The following NOS1AP variants were observed in gnomAD, a reference collection of about 807,000 sequenced individuals.
The protein encoded by NOS1AP is nitric oxide synthase 1 adaptor protein.
Under a neutral mutation model 56.2 loss-of-function variants are expected in NOS1AP, and 21 were observed. The observed-to-expected ratio is 0.37, with a 90% confidence interval of 0.26 to 0.54. NOS1AP has a LOEUF of 0.54. NOS1AP is among the 20% of genes least tolerant of loss of function. The pLI is 0.84. For missense variants in NOS1AP, 522 were observed against 657.8 expected (o/e 0.79, Z 2.26); for synonymous variants, 270 against 274.6 (o/e 0.98, Z 0.17).
intron 2 of NOS1AP, among the ~76,000 whole-genome samples, chr1:162,278,687 G>A (rs201415507): frequency 0.11 from 16,600 of 151,456 alleles, 1,139 homozygotes; most frequent in African/African-American, 0.18. Context: ...GTGTGTGTGT[G>A]TGTGTGTGTG....
chr1:162,274,069 G>A (rs1386820717), intron 2 of NOS1AP, among the ~76,000 whole-genome samples: 1 of 152,166 alleles, frequency 6.6e-6, no homozygotes, highest in African/African-American at 2.4e-5. Context: ...CCTTTCTCTA[G>A]GGTAAACACT....
chr1:162,098,275 G>GT (rs34912323), intron 1 of NOS1AP, among the ~76,000 whole-genome samples: 147,074 of 151,728 alleles, frequency 0.97, 71,452 homozygotes, highest in East Asian at 1. Context: ...CCCGGCTATT[G>GT]TTTGTATCTT....
At chr1:162,137,172 C>T (rs1415265) in intron 1 of NOS1AP, among the ~76,000 whole-genome samples, 104,805 of 151,482 alleles carry the variant, frequency 0.69, 36,683 homozygotes, top group Non-Finnish European at 0.72. Flanking sequence ...AGACAAAGCA[C>T]GATTTGCATT....
chr1:162,315,084 G>T (rs1307928443), intron 4 of NOS1AP, among the ~76,000 whole-genome samples: 2 of 152,232 alleles, frequency 1.3e-5, no homozygotes, highest in African/African-American at 4.8e-5. Context: ...TCGCTTAGGA[G>T]GGACCTTTAT....
At chr1:162,137,414 C>T (rs532715083) in intron 1 of NOS1AP, among the ~76,000 whole-genome samples, 3 of 150,834 alleles carry the variant, frequency 2.0e-5, no homozygotes, top group Admixed American at 6.6e-5. Flanking sequence ...GAAGGTTTTC[C>T]ATCTATTGAT....
chr1:162,150,860 A>G lies in NOS1AP; in HGVS notation c.106-3545A>G, dbSNP rs188851802. ...GGCTTCTTATATATTCTGGTTATTA[A>G]TCCCTTGTCAGATAGGAAGTTTGCA... On this transcript the variant is annotated intron_variant, in intron 1 of 9. Transcript: ENST00000361897. Among the ~76,000 whole-genome samples the G allele has an allele frequency of 2.4e-4, 37 of 152,188 alleles. No individual in the cohort carries two copies. The East Asian group carries it at 6.8e-3, about 28-fold the overall frequency.
At chr1:162,202,485 TGTA>T (rs1557831318) in intron 2 of NOS1AP, among the ~76,000 whole-genome samples, 1 of 152,196 alleles carries the variant, frequency 6.6e-6, no homozygotes, top group African/African-American at 2.4e-5. Context: ...TTTAATAATT[TGTA>T]GTAAACATAC....
intron 2 of NOS1AP, among the ~76,000 whole-genome samples, chr1:162,220,081 A>G (rs1557837368): frequency 6.6e-6 from 1 of 152,144 alleles, no homozygotes; most frequent in African/African-American, 2.4e-5. Context: ...ATAGATGAAC[A>G]CCATCATACC....
chr1:162,124,828 C>A (rs569705451), intron 1 of NOS1AP, among the ~76,000 whole-genome samples: 1 of 152,104 alleles, frequency 6.6e-6, no homozygotes, highest in East Asian at 1.9e-4. Context: ...TGGCCACACA[C>A]ACCGTATTTT....
intron 6 of NOS1AP, 98 bp from the exon 7 acceptor site, chr1:162,355,089 C>A: frequency 7.2e-7 from 1 of 1,385,266 alleles, no homozygotes; most frequent in Non-Finnish European, 1.0e-6. Context: ...CAGTGGCATC[C>A]CTAGGCTCAA....
chr1:162,097,125 TA>T (rs34097144), intron 1 of NOS1AP, among the ~76,000 whole-genome samples: 9,895 of 149,116 alleles, frequency 0.066, 480 homozygotes, highest in African/African-American at 0.14. Context: ...TGCTGGGTAT[TA>T]AAAAAAAAAA....
intron 1 of NOS1AP, among the ~76,000 whole-genome samples, chr1:162,075,324 G>A (rs1691744399): frequency 6.6e-6 from 1 of 152,198 alleles, no homozygotes; most frequent in African/African-American, 2.4e-5. Flanking sequence ...TGTGGCTTGG[G>A]AGCATGTGGT....
chr1:162,131,943 C>A (rs1420099147), intron 1 of NOS1AP, among the ~76,000 whole-genome samples: 1 of 152,130 alleles, frequency 6.6e-6, no homozygotes, highest in African/African-American at 2.4e-5. Flanking sequence ...ACCTTGTTTG[C>A]TTATTTAATG....
chr1:162,333,255 T>C, intron 5 of NOS1AP, 130 bp downstream of exon 5: 2 of 708,030 alleles, frequency 2.8e-6, no homozygotes, highest in Non-Finnish European at 5.2e-6. Flanking sequence ...CAGTCGTCTG[T>C]CATTGCTCCT....
intron 2 of NOS1AP, among the ~76,000 whole-genome samples, chr1:162,189,258 C>T (rs975574873): frequency 2.0e-5 from 3 of 151,992 alleles, no homozygotes; most frequent in African/African-American, 7.3e-5. Flanking sequence ...TTGAAAATGC[C>T]ATTATAAAAA....
At chr1:162,109,281 A>T (rs1647624598) in intron 1 of NOS1AP, among the ~76,000 whole-genome samples, 1 of 152,252 alleles carries the variant, frequency 6.6e-6, no homozygotes, top group Admixed American at 6.5e-5. Flanking sequence ...TAAGGATAAC[A>T]AAGTGTTTAA....
intron 1 of NOS1AP, among the ~76,000 whole-genome samples, chr1:162,098,981 T>G (rs1342281350): frequency 6.6e-6 from 1 of 152,192 alleles, no homozygotes; most frequent in Non-Finnish European, 1.5e-5. Flanking sequence ...CATATGTGTG[T>G]ATGTATCCTT....
chr1:162,274,776 A>G (rs1018649016), intron 2 of NOS1AP, among the ~76,000 whole-genome samples: 1 of 152,224 alleles, frequency 6.6e-6, no homozygotes. Context: ...ACCTGTCTCA[A>G]TTCCTCCTGT....
At chr1:162,249,234 G>T (rs919734087) in intron 2 of NOS1AP, among the ~76,000 whole-genome samples, 2 of 152,162 alleles carry the variant, frequency 1.3e-5, no homozygotes, top group Non-Finnish European at 2.9e-5. Flanking sequence ...TGGCCAGAAT[G>T]CATTGTCCCT....
Sources: gnomAD v4.1 joint callset for allele counts (sites outside exome capture counted in the v4.1 genomes callset) on GRCh38, gnomAD v4.1.1 for gene constraint, MANE v1.5 for transcripts, NCBI Gene and HGNC (gene_info 2026-07-23, HGNC 2026-07-21) for gene names.